The following ORC4 variants were observed in gnomAD, a reference collection of about 807,000 sequenced individuals.
The protein encoded by ORC4 is origin recognition complex, subunit 4 homolog.
ORC4 carries 55 observed loss-of-function variants against 63.9 expected under a neutral mutation model. The observed-to-expected ratio is 0.86, with a 90% confidence interval of 0.69 to 1.08. The LOEUF (loss-of-function observed/expected upper bound fraction) is 1.08, where lower values mean the gene tolerates loss of function less well. ORC4 is among the 50% of genes least tolerant of loss of function. ORC4 has a pLI of 0.00. For missense variants in ORC4, 511 were observed against 504.4 expected, an observed-to-expected ratio of 1.01 and a Z score of -0.13; for synonymous variants, 150 against 168.5, an observed-to-expected ratio of 0.89 and a Z score of 0.85.
Position 147,973,541 on chromosome 2 carries a change from GAATA to G in ORC4, c.58-21_58-18del. On this transcript the variant is annotated intron_variant, in intron 2 of 13. Coordinates refer to ENST00000392857, the MANE Select transcript of ORC4 (RefSeq NM_181741.4). ...TCTTTGTACCTGATGAAAATAAAGT[GAATA>G]AATATAAATAAAAATATTACACATG... 2 of 1,388,468 alleles carry G rather than the reference GAATA, an allele frequency of 1.4e-6. No individual in the cohort carries two copies. The highest frequency in any genetic ancestry group is 2.0e-6 in the Non-Finnish European group (2 of 980,600). 86.0% of individuals were successfully genotyped at this position (1,388,468 alleles called of 1,614,324 possible).
intron 4 of ORC4, among the ~76,000 whole-genome samples, chr2:147,970,453 T>C (rs1300433138): frequency 2.0e-5 from 3 of 152,066 alleles, no homozygotes; most frequent in Admixed American, 6.6e-5. Context: ...AAATCTACAG[T>C]AATCAAAACA....
chr2:147,962,554 G>T (rs1421109628), intron 4 of ORC4, among the ~76,000 whole-genome samples: 1 of 152,046 alleles, frequency 6.6e-6, no homozygotes, highest in East Asian at 1.9e-4. Context: ...GCCTATAATT[G>T]GTTATGACTC....
chr2:148,018,358 G>T (rs866331839), intron 1 of ORC4, among the ~76,000 whole-genome samples: 1 of 152,146 alleles, frequency 6.6e-6, no homozygotes, highest in Non-Finnish European at 1.5e-5. Context: ...TGCTGTCGGG[G>T]TATACATTGG....
chr2:147,935,552 T>C lies in ORC4; in HGVS notation c.1269A>G (p.Thr423=), dbSNP rs1291504505. 1 of 1,613,924 alleles carries C rather than the reference T, an allele frequency of 6.2e-7. No homozygotes were observed. The highest frequency in any genetic ancestry group is 2.2e-5 in the East Asian group (1 of 44,850). The change falls in exon 14 of 14, where the codon ACA becomes ACG. Residue 423 remains threonine, a synonymous_variant. Transcript: ENST00000392857. The part of the protein sequence containing the change: ...NALQKYPNCP[T]DVRQWATSSL... ...AGGATGTTGCCCACTGCCTCACATC[T>C]GTAGGACAGTTGGGATATTTCTGCA...
chr2:147,969,936 T>C (rs576299416), intron 4 of ORC4, among the ~76,000 whole-genome samples: 1 of 152,026 alleles, frequency 6.6e-6, no homozygotes, highest in African/African-American at 2.4e-5. Context: ...TGTTGACAGA[T>C]AACATAACTG....
chr2:147,993,853 G>T (rs113972837), intron 1 of ORC4, among the ~76,000 whole-genome samples: 25 of 152,246 alleles, frequency 1.6e-4, no homozygotes, highest in African/African-American at 5.5e-4. Context: ...CAACTATGAA[G>T]AAATAGGCTC....
intron 8 of ORC4, 87 bp downstream of exon 8, chr2:147,952,286 A>G (rs1433627719): frequency 5.0e-6 from 5 of 994,558 alleles, no homozygotes; most frequent in Non-Finnish European, 7.6e-6. Flanking sequence ...AATGACCTAA[A>G]TAAGTGAAAA....
intron 1 of ORC4, among the ~76,000 whole-genome samples, chr2:147,987,569 C>T (rs531057003): frequency 1.3e-5 from 2 of 151,976 alleles, no homozygotes; most frequent in African/African-American, 2.4e-5. Context: ...CTAGTAATTA[C>T]GACGCCAGGA....
intron 1 of ORC4, among the ~76,000 whole-genome samples, chr2:147,979,102 T>A (rs1044023085): frequency 3.3e-5 from 5 of 152,036 alleles, no homozygotes; most frequent in African/African-American, 1.2e-4. Context: ...GTACTGCAAG[T>A]CCTAGCCAGA....
At chr2:147,992,907 T>C (rs959724139) in intron 1 of ORC4, among the ~76,000 whole-genome samples, 1 of 152,146 alleles carries the variant, frequency 6.6e-6, no homozygotes, top group Non-Finnish European at 1.5e-5. Context: ...ACTCTAATGT[T>C]CCCTGCCCTC....
chr2:147,944,062 A>T (rs866963037), intron 9 of ORC4, among the ~76,000 whole-genome samples: 1 of 152,094 alleles, frequency 6.6e-6, no homozygotes, highest in Non-Finnish European at 1.5e-5. Flanking sequence ...AAGGCAGAAA[A>T]ACCTAACTGG....
upstream of ORC4, chr2:148,021,513 A>G (rs370715719): frequency 3.4e-4 from 191 of 567,594 alleles, 8 homozygotes; most frequent in East Asian, 1.8e-3. Flanking sequence ...TGCTGCTGCT[A>G]CTGCTGCTGC....
At chr2:147,960,103 G>T in intron 4 of ORC4, 3 of 267,056 alleles carry the variant, frequency 1.1e-5, no homozygotes, top group Non-Finnish European at 1.7e-5. Context: ...TTCATACAAT[G>T]TTTTATGTTT....
intron 4 of ORC4, among the ~76,000 whole-genome samples, chr2:147,962,188 G>A (rs1168492123): frequency 3.9e-5 from 6 of 152,132 alleles, no homozygotes; most frequent in East Asian, 3.9e-4. Context: ...CTGGGGAAAA[G>A]GTAAGCAGAA....
At chr2:147,999,157 T>C (rs566062384) in intron 1 of ORC4, among the ~76,000 whole-genome samples, 2 of 152,326 alleles carry the variant, frequency 1.3e-5, no homozygotes, top group South Asian at 4.1e-4. Flanking sequence ...TCTAAAAGAC[T>C]TGCAGTGCTA....
intron 1 of ORC4, among the ~76,000 whole-genome samples, chr2:148,017,553 T>A (rs557468030): frequency 6.6e-6 from 1 of 152,248 alleles, no homozygotes; most frequent in East Asian, 1.9e-4. Context: ...ATGCTTGTAA[T>A]CCCAGCTACT....
At chr2:148,005,788 C>A (rs565935929) in intron 1 of ORC4, among the ~76,000 whole-genome samples, 45 of 151,824 alleles carry the variant, frequency 3.0e-4, no homozygotes, top group African/African-American at 1.1e-3. Context: ...CCAGTCTGGG[C>A]AACCTGATGA....
At chr2:148,005,513 T>G (rs917899870) in intron 1 of ORC4, among the ~76,000 whole-genome samples, 3 of 151,846 alleles carry the variant, frequency 2.0e-5, no homozygotes, top group Non-Finnish European at 2.9e-5. Context: ...TGCACATGTA[T>G]CCCAGAACTT....
Position 147,942,063 on chromosome 2 carries a change from A to T in ORC4, c.849+1373T>A, listed in dbSNP as rs1688395646. ...CTAGTAGTGTGACCTTCGGCAAGTT[A>T]CTTAGCTTTAAGGAGCCTCAATTTC... On this transcript the variant is annotated intron_variant, in intron 10 of 13. Coordinates refer to ENST00000392857, the MANE Select transcript of ORC4 (RefSeq NM_181741.4). 1.3e-5 allele frequency among the ~76,000 whole-genome samples: 2 copies of T among 152,090 alleles called. 1 individual carries two copies. The highest frequency in any genetic ancestry group is 4.1e-4 in the South Asian group (2 of 4,824).
Sources: gnomAD v4.1 joint callset for allele counts (sites outside exome capture counted in the v4.1 genomes callset) on GRCh38, gnomAD v4.1.1 for gene constraint, MANE v1.5 for transcripts, NCBI Gene and HGNC (gene_info 2026-07-23, HGNC 2026-07-21) for gene names.